TUSC3: variants seen among roughly 807,000 people sequenced by gnomAD.
TUSC3 encodes the protein dolichyl-diphosphooligosaccharide--protein glycosyltransferase subunit TUSC3.
A neutral mutation model predicts 44.8 loss-of-function variants in TUSC3; 45 were observed. The ratio of observed to expected loss-of-function variants is 1.00; its 90% CI spans 0.79 to 1.29. The LOEUF (loss-of-function observed/expected upper bound fraction) is 1.29. TUSC3 is among the 50% of genes most tolerant of loss of function. The probability of loss-of-function intolerance (pLI) is 0.00; values close to 1 mark genes in which losing one functional copy is unlikely to be tolerated. For synonymous variants in TUSC3, 212 were observed against 152.9 expected (o/e 1.39, Z -2.85); for missense variants, 519 against 437.9 (o/e 1.19, Z -1.65).
intron 2 of TUSC3, among the ~76,000 whole-genome samples, chr8:15,627,668 G>A (rs1380140039): frequency 6.6e-6 from 1 of 152,218 alleles, no homozygotes; most frequent in Non-Finnish European, 1.5e-5. Flanking sequence ...CGGTGCCACT[G>A]CATTCCCCAG....
intron 7 of TUSC3, among the ~76,000 whole-genome samples, chr8:15,735,887 T>C (rs1335386729): frequency 2.4e-5 from 1 of 42,178 alleles, no homozygotes; most frequent in African/African-American, 6.0e-5. Flanking sequence ...TTTTTTGTTT[T>C]TTTGGTTTTT....
chr8:15,843,831 C>T, the TUSC3 span, among the ~76,000 whole-genome samples: 22 of 151,916 alleles, frequency 1.4e-4, no homozygotes, highest in Non-Finnish European at 1.5e-5. Flanking sequence ...TTGAATATCT[C>T]ATGTGTCAGT....
intron 8 of TUSC3, among the ~76,000 whole-genome samples, chr8:15,745,451 C>G (rs1585295229): frequency 6.6e-6 from 1 of 152,014 alleles, no homozygotes; most frequent in African/African-American, 2.4e-5. Context: ...CCCTTTTCCC[C>G]ACGACCTCAC....
chr8:15,717,746 T>C (rs1277774900), intron 6 of TUSC3, among the ~76,000 whole-genome samples: 1 of 152,112 alleles, frequency 6.6e-6, no homozygotes, highest in Non-Finnish European at 1.5e-5. Context: ...TTGTACCATG[T>C]AACTTAATTG....
At chr8:15,715,694 A>T (rs571347372) in intron 6 of TUSC3, among the ~76,000 whole-genome samples, 2 of 150,550 alleles carry the variant, frequency 1.3e-5, no homozygotes, top group Admixed American at 1.3e-4. Context: ...TCCTGATGTA[A>T]AACAGAAAAA....
chr8:15,474,546 C>A (rs1015155504), intron 1 of TUSC3, among the ~76,000 whole-genome samples: 1 of 152,080 alleles, frequency 6.6e-6, no homozygotes, highest in Non-Finnish European at 1.5e-5. Context: ...AATTAAATCT[C>A]ACTAGGTGTA....
At chr8:15,555,120 A>G (rs533405215) in intron 1 of TUSC3, among the ~76,000 whole-genome samples, 1 of 144,656 alleles carries the variant, frequency 6.9e-6, no homozygotes, top group East Asian at 2.1e-4. Context: ...TACGTAGGTG[A>G]CAATATTATA....
At chr8:15,517,784 C>G (rs1051439268) in intron 2 of TUSC3, among the ~76,000 whole-genome samples, 1 of 152,030 alleles carries the variant, frequency 6.6e-6, no homozygotes, top group South Asian at 2.1e-4. Flanking sequence ...AAGAAATTTG[C>G]AAGTTTCTAC....
At chr8:15,644,638 C>T (rs1585186807) in intron 2 of TUSC3, among the ~76,000 whole-genome samples, 1 of 152,070 alleles carries the variant, frequency 6.6e-6, no homozygotes, top group African/African-American at 2.4e-5. Flanking sequence ...ATGGAGGGCG[C>T]ATAAGGGATA....
At chr8:15,814,654 A>G in the TUSC3 span, among the ~76,000 whole-genome samples, 3 of 152,116 alleles carry the variant, frequency 2.0e-5, no homozygotes, top group Admixed American at 2.0e-4. Flanking sequence ...AGTCTTTTAT[A>G]TTTGTTTCTA....
chr8:15,566,832 C>T (rs541536864), intron 1 of TUSC3, among the ~76,000 whole-genome samples: 14 of 152,154 alleles, frequency 9.2e-5, no homozygotes, highest in East Asian at 5.8e-4. Context: ...AGGATTTTAC[C>T]ATGTTTCCCA....
chr8:15,490,141 A>G (rs955364376), intron 2 of TUSC3, among the ~76,000 whole-genome samples: 3 of 152,122 alleles, frequency 2.0e-5, no homozygotes, highest in African/African-American at 4.8e-5. Flanking sequence ...TATTTTTTAC[A>G]TGGATATTGG....
intron 1 of TUSC3, among the ~76,000 whole-genome samples, chr8:15,559,260 A>C (rs571059038): frequency 1.4e-5 from 2 of 140,630 alleles, no homozygotes; most frequent in Non-Finnish European, 3.1e-5. Flanking sequence ...TTTGTTATGT[A>C]CCCAGTAGTC....
intron 6 of TUSC3, among the ~76,000 whole-genome samples, chr8:15,728,963 C>T (rs1810606214): frequency 6.6e-6 from 1 of 151,998 alleles, no homozygotes. Context: ...AGATTAAGGC[C>T]AGGAACATTG....
At chr8:15,523,798 C>T (rs1243427711) in intron 2 of TUSC3, among the ~76,000 whole-genome samples, 9 of 149,964 alleles carry the variant, frequency 6.0e-5, no homozygotes, top group African/African-American at 2.2e-4. Flanking sequence ...AGGCTTACGC[C>T]TGTAATCCCA....
chr8:15,654,478 T>C, intron 3 of TUSC3, among the ~76,000 whole-genome samples: 1 of 152,316 alleles, frequency 6.6e-6, no homozygotes, highest in East Asian at 1.9e-4. Context: ...TTATATATGT[T>C]ATATATACAT....
intron 5 of TUSC3, among the ~76,000 whole-genome samples, chr8:15,663,272 A>T (rs1807508096): frequency 6.6e-6 from 1 of 151,426 alleles, no homozygotes; most frequent in African/African-American, 2.4e-5. Flanking sequence ...ATATATCTGT[A>T]TATCTTATAG....
intron 2 of TUSC3, among the ~76,000 whole-genome samples, chr8:15,526,807 C>G (rs761485451): frequency 6.6e-6 from 1 of 152,056 alleles, no homozygotes; most frequent in Non-Finnish European, 1.5e-5. Context: ...AAAGTTGCTT[C>G]GTTTGAAGTC....
At chr8:15,452,859 G>A (rs1465791145) in intron 1 of TUSC3, among the ~76,000 whole-genome samples, 1 of 152,108 alleles carries the variant, frequency 6.6e-6, no homozygotes, top group African/African-American at 2.4e-5. Flanking sequence ...GTGCTGGTCT[G>A]CCCATTGCCT....
Sources: allele counts gnomAD v4.1 joint callset (sites outside exome capture counted in the v4.1 genomes callset), GRCh38; gene constraint gnomAD v4.1.1; transcripts MANE v1.5; gene names NCBI Gene and HGNC (gene_info 2026-07-23, HGNC 2026-07-21).